TUSC3: variants seen among roughly 807,000 people sequenced by gnomAD.
TUSC3 encodes the protein tumor suppressor candidate 3.
Under a neutral mutation model 44.8 loss-of-function variants are expected in TUSC3, and 45 were observed. The observed-to-expected ratio is 1.00, with a 90% confidence interval of 0.79 to 1.29. TUSC3 has a LOEUF of 1.29. Among genes scored for constraint, TUSC3 ranks in the 50% most tolerant of loss-of-function variants. The pLI is 0.00. For missense variants in TUSC3, 519 were observed against 437.9 expected (o/e 1.19, Z -1.65); for synonymous variants, 212 against 152.9 (o/e 1.39, Z -2.85).
chr8:15,778,107 A>AAAC, the TUSC3 span, among the ~76,000 whole-genome samples: 1 of 104,448 alleles, frequency 9.6e-6, no homozygotes, highest in Non-Finnish European at 2.2e-5. Context: ...GGCAAAAAAA[A>AAAC]AAAACAAAAA....
At chr8:15,596,615 A>T (rs1199358176) in intron 1 of TUSC3, among the ~76,000 whole-genome samples, 1 of 152,092 alleles carries the variant, frequency 6.6e-6, no homozygotes, top group African/African-American at 2.4e-5. Flanking sequence ...TTAATTTTTA[A>T]CACTATTATT....
chr8:15,457,169 A>T (rs60339547), intron 1 of TUSC3, among the ~76,000 whole-genome samples: 1 of 49,922 alleles, frequency 2.0e-5, no homozygotes, highest in Admixed American at 2.8e-4. Flanking sequence ...GCCTGTTGTG[A>T]GGTGGGGGGA....
At chr8:15,735,659 A>G (rs1327578144) in intron 7 of TUSC3, among the ~76,000 whole-genome samples, 1 of 152,130 alleles carries the variant, frequency 6.6e-6, no homozygotes, top group Admixed American at 6.5e-5. Flanking sequence ...ATCTGAAAAG[A>G]TCATCATAAT....
chr8:15,844,550 A>C, the TUSC3 span, among the ~76,000 whole-genome samples: 1 of 152,118 alleles, frequency 6.6e-6, no homozygotes, highest in Non-Finnish European at 1.5e-5. Context: ...CATGTCCATA[A>C]CTCAGATTTA....
Position 15,602,662 on chromosome 8 carries a change from TTA to T in TUSC3, c.139-20414_139-20413del, listed in dbSNP as rs776371400. ...TTTGGGGTTGTGAAGATTAAAATAT[TTA>T]TATGTGTGTGTGTGTGTGTGTGTGT... On this transcript the variant is annotated intron_variant, in intron 1 of 10. Transcript: ENST00000503731. Among the ~76,000 whole-genome samples, 5 of 105,922 alleles carry T rather than the reference TTA, an allele frequency of 4.7e-5. 1 individual carries two copies. The highest frequency in any genetic ancestry group is 3.2e-4 in the Admixed American group (3 of 9,520). 69.5% of individuals were successfully genotyped at this position (105,922 alleles called of 152,430 possible).
chr8:15,699,989 A>G (rs1382603696), intron 6 of TUSC3, among the ~76,000 whole-genome samples: 3 of 152,164 alleles, frequency 2.0e-5, no homozygotes, highest in Non-Finnish European at 4.4e-5. Flanking sequence ...CAACATTAGA[A>G]TCTTTTTATA....
downstream of TUSC3, among the ~76,000 whole-genome samples, chr8:15,768,855 A>G (rs902400870): frequency 6.6e-6 from 1 of 152,226 alleles, no homozygotes; most frequent in Non-Finnish European, 1.5e-5. Context: ...TAAAATACCT[A>G]GGAGTACAAG....
intron 1 of TUSC3, among the ~76,000 whole-genome samples, chr8:15,614,017 T>G (rs1804878491): frequency 3.2e-5 from 1 of 30,880 alleles, no homozygotes; most frequent in African/African-American, 1.1e-4. Context: ...GTTTTGTTAT[T>G]TTTTTTTTTT....
At chr8:15,535,654 A>G (rs1801512600), upstream of TUSC3, among the ~76,000 whole-genome samples, 1 of 152,238 alleles carries the variant, frequency 6.6e-6, no homozygotes, top group Non-Finnish European at 1.5e-5. Context: ...CAGTATGAAT[A>G]CATACCCTCT....
At chr8:15,711,587 T>C (rs1375671439) in intron 6 of TUSC3, among the ~76,000 whole-genome samples, 2 of 151,354 alleles carry the variant, frequency 1.3e-5, no homozygotes, top group African/African-American at 4.8e-5. Flanking sequence ...TTCTTAACTT[T>C]GGAATTTGTG....
chr8:15,661,405 A>G (rs1807420215), intron 4 of TUSC3, among the ~76,000 whole-genome samples: 1 of 151,990 alleles, frequency 6.6e-6, no homozygotes, highest in Non-Finnish European at 1.5e-5. Flanking sequence ...TTTGAAGAAT[A>G]TAGTCCTTTG....
intron 2 of TUSC3, among the ~76,000 whole-genome samples, chr8:15,497,081 T>C (rs916351513): frequency 2.6e-5 from 4 of 151,902 alleles, no homozygotes; most frequent in Non-Finnish European, 5.9e-5. Flanking sequence ...ATACGGAAAA[T>C]ACGGTAAGTG....
upstream of TUSC3, among the ~76,000 whole-genome samples, chr8:15,540,055 C>G (rs936273452): frequency 1.3e-5 from 2 of 152,178 alleles, no homozygotes; most frequent in Admixed American, 6.5e-5. Context: ...GCTGGACTAC[C>G]CAGTAATTGG....
chr8:15,843,078 G>A, the TUSC3 span, among the ~76,000 whole-genome samples: 2 of 152,164 alleles, frequency 1.3e-5, no homozygotes, highest in African/African-American at 4.8e-5. Context: ...GGGCTTTGAG[G>A]AAATAACACA....
chr8:15,748,350 A>T (rs1454144741), intron 8 of TUSC3, 25 bp from the exon 9 acceptor site: 2 of 1,551,512 alleles, frequency 1.3e-6, no homozygotes, highest in Non-Finnish European at 1.8e-6. Context: ...TTTAGACACT[A>T]ATGGTATTTT....
chr8:15,845,389 T>C, the TUSC3 span, among the ~76,000 whole-genome samples: 1 of 152,148 alleles, frequency 6.6e-6, no homozygotes, highest in South Asian at 2.1e-4. Flanking sequence ...CTCCCTAGAA[T>C]TGTATGAAAA....
chr8:15,536,551 G>A (rs1469164980), upstream of TUSC3, among the ~76,000 whole-genome samples: 6 of 151,386 alleles, frequency 4.0e-5, no homozygotes, highest in African/African-American at 1.5e-4. Flanking sequence ...GCGTGGTGGC[G>A]GGTGCCTATA....
Position 15,623,188 on chromosome 8 carries a change from A to C in TUSC3, c.247A>C (p.Asn83His), listed in dbSNP as rs1443219795. The part of the protein sequence containing the change: ...FRKFIKAPPR[N>H]YSMIVMFTAL... Reference sequence around the variant, plus strand: ...AAAATTTATAAAGGCACCACCTCGAAACTATTCCATGATTGTTATGTTCAC... The same window carrying C: ...AAAATTTATAAAGGCACCACCTCGACACTATTCCATGATTGTTATGTTCAC... The change falls in exon 2 of 11, where the codon AAC (asparagine) becomes CAC (histidine). Residue 83 changes from asparagine to histidine, a missense_variant. Asn to His is a moderately conservative substitution (Grantham distance 68). Transcript: ENST00000503731. 1 of 1,613,640 alleles carries C rather than the reference A, an allele frequency of 6.2e-7. No homozygotes were observed.
At chr8:15,567,039 T>A (rs531181263) in intron 1 of TUSC3, among the ~76,000 whole-genome samples, 1 of 152,276 alleles carries the variant, frequency 6.6e-6, no homozygotes, top group African/African-American at 2.4e-5. Flanking sequence ...AAATTGGGAA[T>A]GTGCAACAAA....
Sources: allele counts gnomAD v4.1 joint callset (sites outside exome capture counted in the v4.1 genomes callset), GRCh38; gene constraint gnomAD v4.1.1; transcripts MANE v1.5; gene names NCBI Gene and HGNC (gene_info 2026-07-23, HGNC 2026-07-21).